SPECC1L: variants seen among roughly 807,000 people sequenced by gnomAD.
SPECC1L encodes cytospin-A.
In SPECC1L, 40 loss-of-function variants were observed where a neutral mutation model predicts 116.8. The ratio of observed to expected loss-of-function variants is 0.34; its 90% CI spans 0.27 to 0.45. SPECC1L has a LOEUF of 0.45. SPECC1L is among the 20% of genes least tolerant of loss of function. SPECC1L has a pLI of 1.00. For missense variants in SPECC1L, 1,110 were observed against 1,373.6 expected (o/e 0.81, Z 3.03); for synonymous variants, 504 against 500.6 (o/e 1.01, Z -0.09).
At position 24,387,972 on chromosome 22, in the gene SPECC1L, C is replaced by T. The variant is rs541424717; in HGVS notation, c.3087+18652C>T. ...AGCCAACAACAACTGGTCAAGTTGTCACATTGCATCACTCTGACCATAGGT... is the reference window on the plus strand; with the variant it reads ...AGCCAACAACAACTGGTCAAGTTGTTACATTGCATCACTCTGACCATAGGT... On this transcript the variant is annotated intron_variant, in intron 14 of 16. Coordinates refer to ENST00000314328, the MANE Select transcript of SPECC1L (RefSeq NM_015330.6). Among the ~76,000 whole-genome samples, 7 of 152,334 alleles carry T rather than the reference C, an allele frequency of 4.6e-5. 1 individual carries two copies. In the South Asian group the frequency reaches 1.5e-3, roughly 32 times the overall value.
Position 24,406,747 on chromosome 22 carries a change from A to G in SPECC1L, c.3088-4841A>G, listed in dbSNP as rs376656717. Among the ~76,000 whole-genome samples the G allele has an allele frequency of 6.6e-5, 10 of 152,292 alleles. No individual in the cohort carries two copies. In the East Asian group the frequency reaches 1.9e-3, roughly 29 times the overall value. On this transcript the variant is annotated intron_variant, in intron 14 of 16. Coordinates refer to ENST00000314328, the MANE Select transcript of SPECC1L (RefSeq NM_015330.6). ...TCCAAGATACTGATCCCGTCATAAT[A>G]TTAACGGGCCGTGGTGGCCGTGTGG...
intron 4 of SPECC1L, 40 bp downstream of exon 4, chr22:24,313,506 T>C (rs1274754336): frequency 6.2e-7 from 1 of 1,609,864 alleles, no homozygotes; most frequent in Admixed American, 1.7e-5. Context: ...ACTGCTTTTT[T>C]GTTTGAATGG....
intron 3 of SPECC1L, among the ~76,000 whole-genome samples, chr22:24,305,593 G>C (rs2049477447): frequency 6.6e-6 from 1 of 151,710 alleles, no homozygotes; most frequent in Admixed American, 6.6e-5. Context: ...GCAGACTTTT[G>C]GAGTTTCTTC....
intron 9 of SPECC1L, among the ~76,000 whole-genome samples, chr22:24,335,385 C>T (rs1180805564): frequency 2.6e-5 from 4 of 152,240 alleles, no homozygotes; most frequent in African/African-American, 9.6e-5. Flanking sequence ...AGTTGAACCA[C>T]TCTTCCCCCA....
At chr22:24,318,144 C>T (rs2040639656) in intron 4 of SPECC1L, among the ~76,000 whole-genome samples, 2 of 152,206 alleles carry the variant, frequency 1.3e-5, no homozygotes, top group South Asian at 4.1e-4. Context: ...GCTGCAATCT[C>T]GGCACTTTGG....
chr22:24,396,603 A>T (rs928821483), intron 14 of SPECC1L, among the ~76,000 whole-genome samples: 4 of 152,202 alleles, frequency 2.6e-5, no homozygotes, highest in Non-Finnish European at 5.9e-5. Context: ...GCCTCAAAGA[A>T]CTTTCAAGAT....
intron 3 of SPECC1L, among the ~76,000 whole-genome samples, chr22:24,303,424 C>T (rs910602451): frequency 2.6e-5 from 4 of 152,190 alleles, no homozygotes; most frequent in Non-Finnish European, 5.9e-5. Flanking sequence ...TCAGTGAACA[C>T]ACTGAATCAT....
chr22:24,306,763 A>G (rs1601527637), intron 3 of SPECC1L, among the ~76,000 whole-genome samples: 1 of 152,160 alleles, frequency 6.6e-6, no homozygotes. Flanking sequence ...AGAACTTGTC[A>G]TCTTGCTAAA....
intron 3 of SPECC1L, among the ~76,000 whole-genome samples, chr22:24,308,706 C>A (rs2049552601): frequency 6.6e-6 from 1 of 152,012 alleles, no homozygotes; most frequent in Admixed American, 6.5e-5. Context: ...TTGGATAGTT[C>A]TTTCCCAAAT....
At chr22:24,372,173 A>G (rs568316443) in intron 14 of SPECC1L, among the ~76,000 whole-genome samples, 4 of 152,328 alleles carry the variant, frequency 2.6e-5, no homozygotes, top group South Asian at 2.1e-4. Flanking sequence ...CCAAGACCAG[A>G]TGGATTCACG....
intron 14 of SPECC1L, among the ~76,000 whole-genome samples, chr22:24,409,617 C>T (rs2042654556): frequency 6.6e-6 from 1 of 152,094 alleles, no homozygotes; most frequent in Admixed American, 6.5e-5. Flanking sequence ...TGTGCCACTG[C>T]ACTCCAGCCT....
chr22:24,411,218 A>C (rs1011671370), intron 14 of SPECC1L, among the ~76,000 whole-genome samples: 2 of 124,060 alleles, frequency 1.6e-5, no homozygotes, highest in African/African-American at 5.1e-5. Flanking sequence ...ACAAAAAACA[A>C]AAAAGGGGGG....
Position 24,322,387 on chromosome 22 carries a change from T to C in SPECC1L, c.1407T>C (p.Leu469=), listed in dbSNP as rs112546920. ...GACAGATTGAATACTTCCGCTCTCT[T>C]CTAGATGAGCATCACATTTCTTATG... is the stretch of plus-strand genomic sequence containing the variant. ...FSRQIEYFRS[L]LDEHHISYVI... is the part of the protein sequence containing the mutation. Residue 469 remains leucine, a synonymous_variant, in exon 5 of 17, where the codon CTT becomes CTC. Coordinates refer to ENST00000314328, the MANE Select transcript of SPECC1L (RefSeq NM_015330.6). 6.2e-7 allele frequency: 1 copy of C among 1,614,188 alleles called. No homozygotes were observed. Among genetic ancestry groups the C allele is most frequent in the Admixed American group, 1.7e-5 (1 of 60,030 alleles).
Position 24,414,807 on chromosome 22 carries a change from C to T in SPECC1L, c.*184C>T, listed in dbSNP as rs113742184. On this transcript the variant is annotated 3_prime_UTR_variant, in exon 17 of 17. Transcript: ENST00000314328. ...TCAGCCGTGTGGCCCACAGCTCCCACCAGGGCCCCTCCCACATGACCCGTC... is the reference window on the plus strand; with the variant it reads ...TCAGCCGTGTGGCCCACAGCTCCCATCAGGGCCCCTCCCACATGACCCGTC... 16 of 624,506 alleles carry T rather than the reference C, an allele frequency of 2.6e-5. No individual in the cohort carries two copies. In the East Asian group the frequency reaches 3.9e-4, roughly 15 times the overall value. The allele number at this position is 624,506 out of a possible 1,614,324, so 38.7% of individuals were successfully genotyped here.
intron 1 of SPECC1L, among the ~76,000 whole-genome samples, chr22:24,271,686 C>T (rs906241432): frequency 1.3e-5 from 2 of 152,218 alleles, no homozygotes; most frequent in African/African-American, 4.8e-5. Context: ...GAAAAGAAAT[C>T]AGTTTCCAGT....
intron 13 of SPECC1L, 139 bp downstream of exon 13, chr22:24,365,771 A>G (rs1384836952): frequency 4.4e-6 from 4 of 917,752 alleles, no homozygotes; most frequent in Non-Finnish European, 6.8e-6. Flanking sequence ...TCTTTCTTAT[A>G]TCCAGAATTG....
At chr22:24,383,029 T>C (rs2042090460) in intron 14 of SPECC1L, among the ~76,000 whole-genome samples, 1 of 152,220 alleles carries the variant, frequency 6.6e-6, no homozygotes, top group Admixed American at 6.5e-5. Context: ...TTTTTGTTCT[T>C]ACAGGAGTAG....
chr22:24,304,504 C>A (rs950800137), intron 3 of SPECC1L: 4 of 152,370 alleles, frequency 2.6e-5, no homozygotes, highest in Admixed American at 6.5e-5. Context: ...TGTCATTGGG[C>A]TTGCAGCCTT....
intron 6 of SPECC1L, among the ~76,000 whole-genome samples, chr22:24,326,597 C>G (rs1214941605): frequency 1.3e-5 from 2 of 152,172 alleles, no homozygotes; most frequent in African/African-American, 4.8e-5. Flanking sequence ...AAGTCATCTA[C>G]CCTTGTTGTC....
Sources: allele counts gnomAD v4.1 joint callset (sites outside exome capture counted in the v4.1 genomes callset), GRCh38; gene constraint gnomAD v4.1.1; transcripts MANE v1.5; gene names NCBI Gene and HGNC (gene_info 2026-07-23, HGNC 2026-07-21).